The following ZNF516 variants were observed in gnomAD, a reference collection of about 807,000 sequenced individuals.
ZNF516 encodes zinc finger protein 516.
ZNF516 carries 19 observed loss-of-function variants against 79.7 expected under a neutral mutation model. That is an observed-to-expected ratio of 0.24 (90% CI 0.17 to 0.35). The LOEUF (loss-of-function observed/expected upper bound fraction) is 0.35. Among genes scored for constraint, ZNF516 ranks in the 10% least tolerant of loss-of-function variants. The pLI, the probability that ZNF516 is intolerant of heterozygous loss-of-function variation, is 1.00. For synonymous variants in ZNF516, 877 were observed against 739.5 expected (o/e 1.19, Z -3.02); for missense variants, 1,678 against 1,679.5 (o/e 1.00, Z 0.02).
Position 76,441,429 on chromosome 18 carries a change from G to A in ZNF516, c.1626C>T (p.Arg542=), listed in dbSNP as rs375060764. 4.9e-5 allele frequency: 79 copies of A among 1,606,584 alleles called. 1 individual carries two copies. The East Asian group carries it at 1.6e-3, about 33-fold the overall frequency. Residue 542 remains arginine (R), a synonymous_variant, in exon 3 of 7, where the codon CGC becomes CGT. Coordinates refer to ENST00000443185, the MANE Select transcript of ZNF516 (RefSeq NM_014643.4). ...LHSRVHRRAR[R]ERDSDGDRAA... ...CCCTGTCCCCGTCACTGTCCCTCTC[G>A]CGGCGCGCGCGGCGATGCACGCGTG...
intron 2 of ZNF516, among the ~76,000 whole-genome samples, chr18:76,462,190 C>A (rs905747734): frequency 1.4e-5 from 2 of 145,464 alleles, no homozygotes; most frequent in Non-Finnish European, 3.1e-5. Context: ...CCAGAGGCCA[C>A]CCCATCACAG....
intron 3 of ZNF516, among the ~76,000 whole-genome samples, chr18:76,400,032 C>T (rs7234653): frequency 0.29 from 44,525 of 152,074 alleles, 7,250 homozygotes; most frequent in East Asian, 0.47. Flanking sequence ...GAGCAATCAG[C>T]CCTGCCCAAG....
Position 76,357,915 on chromosome 18 carries a change from G to A in ZNF516, c.*4583C>T, listed in dbSNP as rs1299419615. ...GGTGTATTCAGTGGGGAAATAACAT[G>A]TGTGCTGTGAAAGAAAATGAGAAAA... On this transcript the variant is annotated 3_prime_UTR_variant, in exon 7 of 7. Coordinates refer to ENST00000443185, the MANE Select transcript of ZNF516 (RefSeq NM_014643.4). Among the ~76,000 whole-genome samples, 1 of 151,934 alleles carries A rather than the reference G, an allele frequency of 6.6e-6. No individual in the cohort carries two copies. The highest frequency in any genetic ancestry group is 1.5e-5 in the Non-Finnish European group (1 of 68,010).
At chr18:76,407,568 C>T (rs1015927350) in intron 3 of ZNF516, among the ~76,000 whole-genome samples, 6 of 152,300 alleles carry the variant, frequency 3.9e-5, no homozygotes, top group East Asian at 1.9e-4. Flanking sequence ...CAGACAACAC[C>T]GCCCTCTGAA....
intron 6 of ZNF516, 101 bp from the exon 7 acceptor site, chr18:76,362,658 C>A: frequency 8.2e-7 from 1 of 1,212,142 alleles, no homozygotes; most frequent in South Asian, 1.4e-5. Flanking sequence ...TCCAAGAACA[C>A]AAACAATGAC....
chr18:76,385,860 G>GC (rs1481229931), intron 3 of ZNF516: 1 of 152,122 alleles, frequency 6.6e-6, no homozygotes, highest in East Asian at 1.9e-4. Flanking sequence ...GGTAGCGCCG[G>GC]CCCCGGTGCC....
At chr18:76,432,089 A>ACAAGGAAGGACTC (rs1307612924) in intron 3 of ZNF516, among the ~76,000 whole-genome samples, 12 of 152,218 alleles carry the variant, frequency 7.9e-5, no homozygotes, top group Admixed American at 3.9e-4. Context: ...CACCAGTTGA[A>ACAAGGAAGGACTC]CAAGGAAGGA....
At chr18:76,473,786 G>A (rs896703991) in intron 1 of ZNF516, among the ~76,000 whole-genome samples, 8 of 150,396 alleles carry the variant, frequency 5.3e-5, no homozygotes, top group African/African-American at 2.0e-4. Context: ...GAGCAACAGG[G>A]TGAGACTCCA....
In ZNF516 at chr18:76,459,016, G is replaced by A. The variant is rs1599123453; in HGVS notation, c.-158+4012C>T. 6.6e-6 allele frequency among the ~76,000 whole-genome samples: 1 copy of A among 152,208 alleles called. No homozygotes were observed. Among genetic ancestry groups the A allele is most frequent in the Non-Finnish European group, 1.5e-5 (1 of 68,030 alleles). On this transcript the variant is annotated intron_variant, in intron 2 of 6. Transcript: ENST00000443185. The surrounding 1 kb of genome is among the most constrained non-coding windows in gnomAD (Gnocchi z 5.0). ...CGAGGGTGTGTGTGTGTGTCTGAGA[G>A]AGCACATGTGTGTGATCTCTTAACC...
intron 1 of ZNF516, among the ~76,000 whole-genome samples, chr18:76,466,967 G>A (rs555085450): frequency 6.6e-6 from 1 of 152,338 alleles, no homozygotes; most frequent in East Asian, 1.9e-4. Flanking sequence ...CACAGGGAAG[G>A]ACCACCCAGA....
chr18:76,440,044 C>T (rs1447719490), intron 3 of ZNF516, among the ~76,000 whole-genome samples: 2 of 152,182 alleles, frequency 1.3e-5, no homozygotes, highest in African/African-American at 2.4e-5. Context: ...ATGACTAAAA[C>T]GCGAAGTTAA....
chr18:76,446,452 G>A (rs961040608), intron 2 of ZNF516, among the ~76,000 whole-genome samples: 2 of 152,202 alleles, frequency 1.3e-5, no homozygotes, highest in Non-Finnish European at 2.9e-5. Flanking sequence ...CCTGGGCCAT[G>A]ACCACGGCTG....
chr18:76,422,996 A>G (rs8084155), intron 3 of ZNF516, among the ~76,000 whole-genome samples: 62,668 of 151,922 alleles, frequency 0.41, 13,039 homozygotes, highest in African/African-American at 0.47. Context: ...TCTAAATCTT[A>G]ATGCGTCTGG....
chr18:76,495,689 T>G (rs1034381331), upstream of ZNF516: 1 of 1,194,512 alleles, frequency 8.4e-7, no homozygotes, highest in Middle Eastern at 2.4e-4. Context: ...CGCGCATCCA[T>G]ACGTACAGAC....
intron 3 of ZNF516, among the ~76,000 whole-genome samples, chr18:76,401,962 C>T (rs1023909191): frequency 2.0e-5 from 3 of 152,104 alleles, no homozygotes; most frequent in African/African-American, 7.2e-5. Context: ...AATGACTGCA[C>T]ATGCATGTGC....
At chr18:76,392,357 G>A (rs1056483928) in intron 3 of ZNF516, among the ~76,000 whole-genome samples, 8 of 152,170 alleles carry the variant, frequency 5.3e-5, no homozygotes, top group East Asian at 1.9e-4. Context: ...GTTGGCAAAC[G>A]GGGCTCTTCA....
At chr18:76,465,562 AACAG>A (rs1913410349) in intron 1 of ZNF516, among the ~76,000 whole-genome samples, 1 of 152,248 alleles carries the variant, frequency 6.6e-6, no homozygotes, top group African/African-American at 2.4e-5. Flanking sequence ...ATTAACCAGT[AACAG>A]ACAAAGGCAG....
rs756773859 is a variant in ZNF516, at chr18:76,442,333, G to A, written c.722C>T (p.Pro241Leu). 5 of 1,610,878 alleles carry A rather than the reference G, an allele frequency of 3.1e-6. No homozygotes were observed. Among genetic ancestry groups the A allele is most frequent in the South Asian group, 1.1e-5 (1 of 90,848 alleles). Residue 241 changes from proline to leucine, a missense_variant, in exon 3 of 7, where the codon CCC becomes CTC. Transcript: ENST00000443185. ...CGGGAACTCCCCGGGGCTCAGCTCG[G>A]GCTTGCCGTTCTCCACGCAGGCCTC... ...SGEACVENGK[P>L]ELSPGEFPCE...
At position 76,417,412 on chromosome 18, in the gene ZNF516, C is replaced by T. The variant is rs1406248433; in HGVS notation, c.1810+23833G>A. 2.0e-5 allele frequency among the ~76,000 whole-genome samples: 3 copies of T among 152,306 alleles called. No individual in the cohort carries two copies. The East Asian group carries it at 5.8e-4, about 29-fold the overall frequency. ...CTCAAAAGTCTTCTGCCTTCAATAA[C>T]GGGGAAACATCAATGACTTTTGGTT... On this transcript the variant is annotated intron_variant, in intron 3 of 6. Coordinates refer to ENST00000443185, the MANE Select transcript of ZNF516 (RefSeq NM_014643.4).
Sources: allele counts gnomAD v4.1 joint callset (sites outside exome capture counted in the v4.1 genomes callset), GRCh38; gene constraint gnomAD v4.1.1; non-coding constraint Gnocchi (gnomAD v3.1); transcripts MANE v1.5; gene names NCBI Gene and HGNC (gene_info 2026-07-23, HGNC 2026-07-21).